CSRNP3: variants seen among roughly 807,000 people sequenced by gnomAD.
The protein encoded by CSRNP3 is cysteine and serine rich nuclear protein 3, also known as cysteine/serine-rich nuclear protein 3.
A neutral mutation model predicts 48.0 loss-of-function variants in CSRNP3; 12 were observed. The ratio of observed to expected loss-of-function variants is 0.25; its 90% CI spans 0.16 to 0.41. The LOEUF (loss-of-function observed/expected upper bound fraction) is 0.41. Among genes scored for constraint, CSRNP3 ranks in the 10% least tolerant of loss-of-function variants. The pLI is 1.00. For missense variants in CSRNP3, 580 were observed against 724.4 expected, an observed-to-expected ratio of 0.80 and a Z score of 2.29; for synonymous variants, 263 against 269.7, an observed-to-expected ratio of 0.98 and a Z score of 0.24.
chr2:165,552,058 C>G (rs1209706566), intron 3 of CSRNP3, among the ~76,000 whole-genome samples: 2 of 152,186 alleles, frequency 1.3e-5, no homozygotes, highest in Non-Finnish European at 1.5e-5. Context: ...TTTATCATCA[C>G]AACATGGGGA....
At chr2:165,471,298 T>C (rs1320373401) in intron 1 of CSRNP3, among the ~76,000 whole-genome samples, 2 of 152,046 alleles carry the variant, frequency 1.3e-5, no homozygotes, top group Non-Finnish European at 2.9e-5. Flanking sequence ...TTTCTAATTA[T>C]TGATGGATCT....
chr2:165,602,040 A>G (rs951393170), intron 4 of CSRNP3, among the ~76,000 whole-genome samples: 1 of 152,160 alleles, frequency 6.6e-6, no homozygotes, highest in Non-Finnish European at 1.5e-5. Context: ...AATTATGTCT[A>G]CCCAGCATTG....
At chr2:165,578,357 T>G (rs1685486487) in intron 3 of CSRNP3, among the ~76,000 whole-genome samples, 1 of 152,078 alleles carries the variant, frequency 6.6e-6, no homozygotes, top group South Asian at 2.1e-4. Context: ...TGTCTTACAC[T>G]CTCCCTAATC....
chr2:165,546,579 A>G (rs1210463650), intron 3 of CSRNP3, among the ~76,000 whole-genome samples: 1 of 152,200 alleles, frequency 6.6e-6, no homozygotes, highest in Non-Finnish European at 1.5e-5. Context: ...TTCATTCTAA[A>G]CAATTTCTTC....
chr2:165,610,643 G>T (rs768028566), intron 4 of CSRNP3, among the ~76,000 whole-genome samples: 1 of 152,092 alleles, frequency 6.6e-6, no homozygotes, highest in East Asian at 1.9e-4. Flanking sequence ...AGTTGCTGAC[G>T]CTGTCATGAC....
chr2:165,671,869 A>T (rs1687336952), intron 5 of CSRNP3, among the ~76,000 whole-genome samples: 1 of 152,140 alleles, frequency 6.6e-6, no homozygotes, highest in Admixed American at 6.5e-5. Context: ...AACCCAAATC[A>T]TCTCTCTCAA....
chr2:165,520,200 G>T lies in CSRNP3; in HGVS notation c.-24+2239G>T, dbSNP rs548808048. On this transcript the variant is annotated intron_variant, in intron 3 of 6. Transcript: ENST00000651982. ...TAGAGTTGGAAATTAAATCAATTTT[G>T]TGCAATCATTAACAAATGAGTGATC... Among the ~76,000 whole-genome samples the T allele has an allele frequency of 2.0e-5, 3 of 152,256 alleles. No individual in the cohort carries two copies. In the East Asian group the frequency reaches 5.8e-4, roughly 29 times the overall value.
At chr2:165,643,361 A>G (rs1180414902) in intron 4 of CSRNP3, among the ~76,000 whole-genome samples, 1 of 152,202 alleles carries the variant, frequency 6.6e-6, no homozygotes, top group East Asian at 1.9e-4. Flanking sequence ...GGGACAAAGA[A>G]CAGTCTTGCT....
chr2:165,511,722 T>A (rs1684508388), intron 2 of CSRNP3, among the ~76,000 whole-genome samples: 1 of 152,142 alleles, frequency 6.6e-6, no homozygotes, highest in South Asian at 2.1e-4. Flanking sequence ...TTGAGCGATA[T>A]CATAGAGCCA....
At chr2:165,548,333 T>TC (rs1351596718) in intron 3 of CSRNP3, among the ~76,000 whole-genome samples, 2 of 152,036 alleles carry the variant, frequency 1.3e-5, no homozygotes. Context: ...ATTTCATCTC[T>TC]CCTCAGTCTT....
At chr2:165,665,769 G>A in intron 5 of CSRNP3, among the ~76,000 whole-genome samples, 1 of 116,076 alleles carries the variant, frequency 8.6e-6, no homozygotes, top group Admixed American at 9.1e-5. Flanking sequence ...TCTGGGAAAA[G>A]AAAGAAAGAG....
chr2:165,617,484 T>C (rs968900202), intron 4 of CSRNP3, among the ~76,000 whole-genome samples: 8 of 152,178 alleles, frequency 5.3e-5, no homozygotes, highest in Non-Finnish European at 1.5e-5. Flanking sequence ...GTGGAGGCTG[T>C]GGTGAGGCTT....
At chr2:165,549,080 T>C (rs1404119990) in intron 3 of CSRNP3, among the ~76,000 whole-genome samples, 1 of 151,454 alleles carries the variant, frequency 6.6e-6, no homozygotes, top group African/African-American at 2.4e-5. Flanking sequence ...AATTCTTGAA[T>C]GCTTTAAACC....
At chr2:165,510,066 G>A (rs115426702) in intron 2 of CSRNP3, among the ~76,000 whole-genome samples, 2,428 of 152,168 alleles carry the variant, frequency 0.016, 60 homozygotes, top group African/African-American at 0.054. Flanking sequence ...GAATCATATC[G>A]GGGATATATA....
chr2:165,627,692 C>T (rs1239669602), intron 4 of CSRNP3, among the ~76,000 whole-genome samples: 1 of 152,184 alleles, frequency 6.6e-6, no homozygotes, highest in Non-Finnish European at 1.5e-5. Context: ...TCCACTGAAT[C>T]ACACTTCTTC....
intron 3 of CSRNP3, among the ~76,000 whole-genome samples, chr2:165,589,149 C>T (rs867614060): frequency 6.6e-6 from 1 of 152,110 alleles, no homozygotes; most frequent in African/African-American, 2.4e-5. Flanking sequence ...TGTATCTAGT[C>T]AGTCATACAT....
intron 4 of CSRNP3, among the ~76,000 whole-genome samples, chr2:165,629,353 A>G (rs1272124720): frequency 6.6e-6 from 1 of 152,188 alleles, no homozygotes; most frequent in Admixed American, 6.5e-5. Flanking sequence ...CTCATTATAT[A>G]GTATTCAACA....
chr2:165,645,122 G>C (rs34089240), intron 4 of CSRNP3, among the ~76,000 whole-genome samples: 23,143 of 152,008 alleles, frequency 0.15, 3,103 homozygotes, highest in African/African-American at 0.36. Context: ...TCACTTGAGA[G>C]CAGAAGTTCA....
chr2:165,632,523 C>T (rs1391660580), intron 4 of CSRNP3, among the ~76,000 whole-genome samples: 1 of 152,034 alleles, frequency 6.6e-6, no homozygotes, highest in Admixed American at 6.6e-5. Context: ...AAAAAAATAA[C>T]AAAAATAAGG....
Sources: allele counts gnomAD v4.1 joint callset (sites outside exome capture counted in the v4.1 genomes callset), GRCh38; gene constraint gnomAD v4.1.1; transcripts MANE v1.5; gene names NCBI Gene and HGNC (gene_info 2026-07-23, HGNC 2026-07-21).